Variants in SRRM4 observed in about 807,000 individuals in gnomAD.
SRRM4 encodes serine/arginine repetitive matrix protein 4.
Under a neutral mutation model 68.9 loss-of-function variants are expected in SRRM4, and 33 were observed. That is an observed-to-expected ratio of 0.48 (90% CI 0.36 to 0.64). SRRM4 has a LOEUF of 0.64. Ranked by LOEUF, SRRM4 falls within the 30% of genes least tolerant of loss-of-function variation. The probability of loss-of-function intolerance (pLI) is 0.00; values close to 1 mark genes in which losing one functional copy is unlikely to be tolerated. For missense variants in SRRM4, 817 were observed against 827.1 expected, an observed-to-expected ratio of 0.99 and a Z score of 0.15; for synonymous variants, 318 against 318.8, an observed-to-expected ratio of 1.00 and a Z score of 0.03.
chr12:119,016,209 C>T (rs910464574), intron 1 of SRRM4, among the ~76,000 whole-genome samples: 1 of 152,064 alleles, frequency 6.6e-6, no homozygotes, highest in African/African-American at 2.4e-5. Flanking sequence ...TTGGGGGAAG[C>T]GTGGTCCTAA....
intron 1 of SRRM4, among the ~76,000 whole-genome samples, chr12:118,996,289 T>C (rs1031078950): frequency 7.2e-5 from 11 of 152,242 alleles, no homozygotes; most frequent in African/African-American, 2.7e-4. Context: ...TTTTCTTCTC[T>C]GAGGTCTTTT....
intron 1 of SRRM4, among the ~76,000 whole-genome samples, chr12:118,992,816 T>C (rs1324191337): frequency 6.6e-6 from 1 of 152,140 alleles, no homozygotes; most frequent in African/African-American, 2.4e-5. Flanking sequence ...GCACAGGGCA[T>C]TCCATATTGC....
chr12:119,123,048 G>A (rs181848261), intron 6 of SRRM4, among the ~76,000 whole-genome samples: 18 of 152,312 alleles, frequency 1.2e-4, no homozygotes, highest in South Asian at 2.1e-4. Flanking sequence ...ATGTTAGTGC[G>A]TGTGTTTTCC....
intron 8 of SRRM4, among the ~76,000 whole-genome samples, chr12:119,134,232 C>T (rs991162685): frequency 6.6e-6 from 1 of 151,998 alleles, no homozygotes; most frequent in African/African-American, 2.4e-5. Flanking sequence ...TAATGGAAAT[C>T]TTAGTTGGTG....
intron 1 of SRRM4, among the ~76,000 whole-genome samples, chr12:119,093,389 T>A (rs1954025993): frequency 6.6e-6 from 1 of 152,204 alleles, no homozygotes; most frequent in Non-Finnish European, 1.5e-5. Context: ...GTACCAAGGA[T>A]CCTCCTTTCC....
intron 1 of SRRM4, among the ~76,000 whole-genome samples, chr12:119,076,329 GA>G (rs11330499): frequency 0.57 from 86,809 of 151,362 alleles, 25,833 homozygotes; most frequent in Middle Eastern, 0.75. Context: ...TTTACAGATG[GA>G]AAAAAAAATG....
chr12:119,118,289 A>C (rs1954194216), intron 4 of SRRM4, among the ~76,000 whole-genome samples: 1 of 152,264 alleles, frequency 6.6e-6, no homozygotes, highest in South Asian at 2.1e-4. Flanking sequence ...ACTTTTGCTT[A>C]TCCGTATCAT....
intron 1 of SRRM4, among the ~76,000 whole-genome samples, chr12:119,002,899 C>T (rs953837677): frequency 6.7e-5 from 10 of 150,338 alleles, no homozygotes; most frequent in African/African-American, 2.4e-4. Context: ...ACACCAAGGC[C>T]AGTGTTTACA....
At chr12:119,135,547 T>C (rs1291586133) in intron 8 of SRRM4, among the ~76,000 whole-genome samples, 1 of 152,210 alleles carries the variant, frequency 6.6e-6, no homozygotes, top group Non-Finnish European at 1.5e-5. Flanking sequence ...CTGGAGTTCT[T>C]GATCTCTCCC....
intron 1 of SRRM4, among the ~76,000 whole-genome samples, chr12:119,008,179 GT>G (rs1220937204): frequency 2.6e-5 from 4 of 151,946 alleles, no homozygotes; most frequent in Admixed American, 6.6e-5. Flanking sequence ...AGGTGGGCAG[GT>G]TGCTTGAGCC....
intron 1 of SRRM4, among the ~76,000 whole-genome samples, chr12:118,996,112 G>A (rs1440375377): frequency 5.3e-5 from 8 of 152,134 alleles, no homozygotes; most frequent in Admixed American, 5.2e-4. Flanking sequence ...GGTAAAGTGA[G>A]ATTTATTTAT....
intron 7 of SRRM4, among the ~76,000 whole-genome samples, chr12:119,125,968 G>T (rs1414344153): frequency 1.3e-5 from 2 of 148,294 alleles, no homozygotes; most frequent in African/African-American, 2.5e-5. Flanking sequence ...GAGACCAAAA[G>T]GTCTTGCTGC....
chr12:118,991,165 C>T (rs903642750), intron 1 of SRRM4, among the ~76,000 whole-genome samples: 1 of 152,194 alleles, frequency 6.6e-6, no homozygotes, highest in Non-Finnish European at 1.5e-5. Context: ...TCTTCATGGT[C>T]CACTTCCTGC....
At chr12:119,138,136 G>C (rs1471458986) in intron 8 of SRRM4, among the ~76,000 whole-genome samples, 1 of 152,150 alleles carries the variant, frequency 6.6e-6, no homozygotes, top group African/African-American at 2.4e-5. Flanking sequence ...GCTCTCAGCT[G>C]ATTCTTGCCA....
chr12:119,009,076 T>C (rs1594024715), intron 1 of SRRM4, among the ~76,000 whole-genome samples: 1 of 80,686 alleles, frequency 1.2e-5, no homozygotes, highest in African/African-American at 4.0e-5. Context: ...CATACTCACA[T>C]ACACACACTC....
At chr12:118,982,272 G>T (rs1310699659) in intron 1 of SRRM4, among the ~76,000 whole-genome samples, 1 of 152,186 alleles carries the variant, frequency 6.6e-6, no homozygotes, top group East Asian at 1.9e-4. Flanking sequence ...TGCTACCTGA[G>T]GGTGGGCGGT....
chr12:119,104,416 AATG>A (rs1288535357), intron 2 of SRRM4, among the ~76,000 whole-genome samples: 1 of 151,058 alleles, frequency 6.6e-6, no homozygotes, highest in Admixed American at 6.7e-5. Context: ...AAACCACAAT[AATG>A]ATGATAATAA....
chr12:119,001,188 T>A (rs186267951), intron 1 of SRRM4: 2 of 152,350 alleles, frequency 1.3e-5, no homozygotes, highest in Admixed American at 6.5e-5. Context: ...CCCACCCTTA[T>A]GGCATGACTT....
At position 118,981,820 on chromosome 12, in the gene SRRM4, T is replaced by C. The variant is rs1953248941; in HGVS notation, c.-63T>C. ...GCCGGGAGCTGGGTGTCGCCCCCGT[T>C]TGGAATCCACGTTTCAGCACTTTGG... On this transcript the variant is annotated 5_prime_UTR_variant, in exon 1 of 13. Coordinates refer to ENST00000267260, the MANE Select transcript of SRRM4 (RefSeq NM_194286.4). The C allele has an allele frequency of 1.3e-5, 20 of 1,560,250 alleles. No individual in the cohort carries two copies. Among genetic ancestry groups the C allele is most frequent in the African/African-American group, 2.7e-5 (2 of 73,484 alleles).
Sources: gnomAD v4.1 joint callset for allele counts (sites outside exome capture counted in the v4.1 genomes callset) on GRCh38, gnomAD v4.1.1 for gene constraint, MANE v1.5 for transcripts, NCBI Gene and HGNC (gene_info 2026-07-23, HGNC 2026-07-21) for gene names.